PIK3C2A: variants seen among roughly 807,000 people sequenced by gnomAD.
The protein encoded by PIK3C2A is phosphatidylinositol-4-phosphate 3-kinase catalytic subunit type 2 alpha, also known as phosphatidylinositol 4-phosphate 3-kinase C2 domain-containing subunit alpha.
Under a neutral mutation model 204.5 loss-of-function variants are expected in PIK3C2A, and 97 were observed. The ratio of observed to expected loss-of-function variants is 0.47; its 90% CI spans 0.40 to 0.56. The LOEUF (loss-of-function observed/expected upper bound fraction) is 0.56, where lower values mean the gene tolerates loss of function less well. PIK3C2A is among the 20% of genes least tolerant of loss of function. PIK3C2A has a pLI of 0.00. For synonymous variants in PIK3C2A, 653 were observed against 664.4 expected, an observed-to-expected ratio of 0.98 and a Z score of 0.26; for missense variants, 1,735 against 1,969.2, an observed-to-expected ratio of 0.88 and a Z score of 2.25.
intron 13 of PIK3C2A, among the ~76,000 whole-genome samples, chr11:17,128,792 C>T (rs533473657): frequency 6.6e-6 from 1 of 152,200 alleles, no homozygotes; most frequent in South Asian, 2.1e-4. Flanking sequence ...GGGAAAGAAT[C>T]CCTAATAGGG....
chr11:17,140,594 A>G (rs1850031735), intron 8 of PIK3C2A, among the ~76,000 whole-genome samples: 1 of 152,244 alleles, frequency 6.6e-6, no homozygotes, highest in Non-Finnish European at 1.5e-5. Context: ...TGAAATGTCC[A>G]GAAAAGGCAA....
Position 17,198,811 on chromosome 11 carries a change from C to CA in PIK3C2A, c.-66+9036dup, listed in dbSNP as rs1182883086. Among the ~76,000 whole-genome samples, 5 of 97,722 alleles carry CA rather than the reference C, an allele frequency of 5.1e-5. No homozygotes were observed. In the East Asian group the frequency reaches 1.9e-3, roughly 37 times the overall value. 64.1% of individuals were successfully genotyped at this position (97,722 alleles called of 152,430 possible). On this transcript the variant is annotated intron_variant, in intron 1 of 32. Coordinates refer to ENST00000691414, the MANE Select transcript of PIK3C2A (RefSeq NM_002645.4). ...CAGCAAGACCTCATAAAAAACAAAA[C>CA]AAAACAAAAAAAAAAAGCCACCTTA...
At chr11:17,128,195 G>T (rs1565260625) in intron 13 of PIK3C2A, among the ~76,000 whole-genome samples, 1 of 150,824 alleles carries the variant, frequency 6.6e-6, no homozygotes, top group African/African-American at 2.4e-5. Flanking sequence ...CAGTTAAATA[G>T]GCTTCTTGAC....
At chr11:17,100,065 C>G in intron 25 of PIK3C2A, 96 bp from the exon 26 acceptor site, 1 of 658,384 alleles carries the variant, frequency 1.5e-6, no homozygotes, top group Non-Finnish European at 2.7e-6. Context: ...AGAACTAAAG[C>G]AAACAAAAAT....
intron 9 of PIK3C2A, 69 bp from the exon 10 acceptor site, chr11:17,135,228 A>G (rs1849832141): frequency 1.3e-6 from 2 of 1,485,556 alleles, no homozygotes. Flanking sequence ...GTCAAATACT[A>G]TGTCCAAGAA....
chr11:17,132,485 G>A (rs989112983), intron 11 of PIK3C2A, among the ~76,000 whole-genome samples: 3 of 150,780 alleles, frequency 2.0e-5, no homozygotes, highest in South Asian at 2.1e-4. Context: ...GCCCGCCACC[G>A]CGCCCGGCTA....
chr11:17,138,611 G>A (rs575955585), intron 8 of PIK3C2A, among the ~76,000 whole-genome samples: 9 of 152,158 alleles, frequency 5.9e-5, no homozygotes, highest in Admixed American at 1.3e-4. Flanking sequence ...ACCTCCTATC[G>A]CTGGACCCCT....
At chr11:17,117,729 T>TC in intron 18 of PIK3C2A, 58 bp from the exon 19 acceptor site, 1 of 1,107,152 alleles carries the variant, frequency 9.0e-7, no homozygotes, top group Non-Finnish European at 1.3e-6. Flanking sequence ...TTTTTTTTTT[T>TC]TTTGAGACGG....
At position 17,131,716 on chromosome 11, in the gene PIK3C2A, C is replaced by T. The variant is rs11822493; in HGVS notation, c.2231+200G>A. Among the ~76,000 whole-genome samples the T allele has an allele frequency of 4.6e-5, 7 of 152,034 alleles. No homozygotes were observed. The East Asian group carries it at 7.7e-4, about 17-fold the overall frequency. ...GATTACAGGTGTGAGCCACTGCGCC[C>T]GGTCGGTATTTAATATTTTTTAATG... On this transcript the variant is annotated intron_variant, in intron 12 of 32. Transcript: ENST00000691414.
At chr11:17,104,763 T>C (rs553221281) in intron 23 of PIK3C2A, among the ~76,000 whole-genome samples, 1 of 151,238 alleles carries the variant, frequency 6.6e-6, no homozygotes, top group African/African-American at 2.4e-5. Flanking sequence ...TAAGGCCCTG[T>C]TGCTGAGTGA....
Position 17,118,685 on chromosome 11 carries a change from TG to T in PIK3C2A, c.2994del (p.Arg999GlyfsTer8). On this transcript the variant is annotated frameshift_variant, in exon 18 of 33. Transcript: ENST00000691414. LOFTEE classifies it high-confidence loss of function. Reference sequence around the variant, plus strand: ...GCTATCTGGATATTTCCCAATGCCCTGGACAAAAGGAATTGCACTAATGAAC... The same window carrying T: ...GCTATCTGGATATTTCCCAATGCCCTGACAAAAGGAATTGCACTAATGAAC... ...LNSSLVQFLL[S>X]RALGNIQIAH... 1 of 1,566,480 alleles carries T rather than the reference TG, an allele frequency of 6.4e-7. No homozygotes were observed. Among genetic ancestry groups the T allele is most frequent in the Non-Finnish European group, 8.8e-7 (1 of 1,138,802 alleles).
At chr11:17,099,666 TA>T (rs1218277126) in intron 26 of PIK3C2A, among the ~76,000 whole-genome samples, 193 bp downstream of exon 26, 1 of 152,228 alleles carries the variant, frequency 6.6e-6, no homozygotes, top group Non-Finnish European at 1.5e-5. Flanking sequence ...AAGTATATTT[TA>T]AAAAATATTA....
chr11:17,195,791 G>C (rs558336755), intron 1 of PIK3C2A, among the ~76,000 whole-genome samples: 4 of 149,956 alleles, frequency 2.7e-5, no homozygotes, highest in Non-Finnish European at 4.4e-5. Flanking sequence ...TGTAATCCCA[G>C]CACTTTGGGA....
intron 1 of PIK3C2A, among the ~76,000 whole-genome samples, chr11:17,183,868 G>T (rs914782027): frequency 1.3e-5 from 2 of 151,662 alleles, no homozygotes; most frequent in Admixed American, 1.3e-4. Flanking sequence ...CCTTTGGGAG[G>T]TCGAGGAGTG....
intron 32 of PIK3C2A, among the ~76,000 whole-genome samples, chr11:17,090,585 T>C (rs1213608676): frequency 1.3e-5 from 2 of 152,170 alleles, no homozygotes; most frequent in Non-Finnish European, 2.9e-5. Context: ...TTTGTGACTA[T>C]TATAGAGGGG....
intron 5 of PIK3C2A, chr11:17,148,431 A>C: frequency 2.4e-6 from 1 of 425,450 alleles, no homozygotes; most frequent in South Asian, 3.6e-5. Context: ...TCTTCCTGTA[A>C]AGACTACAAG....
rs12275377 is a variant in PIK3C2A at position 17,157,416 on chromosome 11, T to C, written c.1066-1787A>G. Among the ~76,000 whole-genome samples the C allele has an allele frequency of 6.4e-3, 888 of 138,088 alleles. 19 individuals are homozygous for C. The highest frequency in any genetic ancestry group is 0.023 in the African/African-American group (845 of 36,054). The allele number at this position is 138,088 out of a possible 152,430, so 90.6% of individuals were successfully genotyped here. On this transcript the variant is annotated intron_variant, in intron 2 of 32. Transcript: ENST00000691414. ...CAGAGGTTGCAGTGAGCTGAGATCG[T>C]GCCACTGCACTCCAGCCTGGGCAAC...
intron 3 of PIK3C2A, among the ~76,000 whole-genome samples, chr11:17,152,460 A>G (rs1002108811): frequency 6.6e-6 from 1 of 152,148 alleles, no homozygotes; most frequent in Non-Finnish European, 1.5e-5. Flanking sequence ...ATCTTTAAGC[A>G]TTTAAACATA....
intron 1 of PIK3C2A, among the ~76,000 whole-genome samples, chr11:17,187,446 G>C (rs1371040373): frequency 6.6e-6 from 1 of 152,040 alleles, no homozygotes; most frequent in Non-Finnish European, 1.5e-5. Flanking sequence ...GTTGTTTTTA[G>C]TATATTCAGA....
Sources: allele counts gnomAD v4.1 joint callset (sites outside exome capture counted in the v4.1 genomes callset), GRCh38; gene constraint gnomAD v4.1.1; transcripts MANE v1.5; gene names NCBI Gene and HGNC (gene_info 2026-07-23, HGNC 2026-07-21).